SLC35D2: variants seen among roughly 807,000 people sequenced by gnomAD.
The protein encoded by SLC35D2 is nucleotide sugar transporter SLC35D2.
In SLC35D2, 43 loss-of-function variants were observed where a neutral mutation model predicts 41.8. The observed-to-expected ratio is 1.03, with a 90% CI of 0.81 to 1.33. The LOEUF (loss-of-function observed/expected upper bound fraction) is 1.33. Ranked by LOEUF, SLC35D2 falls within the 40% of genes most tolerant of loss-of-function variation. The pLI is 0.00. For synonymous variants in SLC35D2, 150 were observed against 163.9 expected, an observed-to-expected ratio of 0.92 and a Z score of 0.65; for missense variants, 380 against 408.4, an observed-to-expected ratio of 0.93 and a Z score of 0.60.
intron 1 of SLC35D2, 104 bp from the exon 2 acceptor site, chr9:96,368,409 A>T: frequency 1.1e-6 from 1 of 898,366 alleles, no homozygotes; most frequent in Non-Finnish European, 1.7e-6. Context: ...GAAAATGAAA[A>T]TTTATCAAAT....
chr9:96,368,403 A>C, intron 1 of SLC35D2, 98 bp from the exon 2 acceptor site: 3 of 937,060 alleles, frequency 3.2e-6, no homozygotes, highest in Non-Finnish European at 4.8e-6. Flanking sequence ...ATCTGAGAAA[A>C]TGAAAATTTA....
chr9:96,370,516 G>A (rs909391181), intron 1 of SLC35D2, among the ~76,000 whole-genome samples: 5 of 152,054 alleles, frequency 3.3e-5, no homozygotes, highest in African/African-American at 9.7e-5. Flanking sequence ...AATTAGCCGG[G>A]CGTGGTGGTG....
chr9:96,343,529 T>C (rs1829434467), intron 8 of SLC35D2, among the ~76,000 whole-genome samples: 1 of 152,212 alleles, frequency 6.6e-6, no homozygotes, highest in African/African-American at 2.4e-5. Flanking sequence ...AAAATGTCCG[T>C]AATAGAAAGT....
intron 6 of SLC35D2, among the ~76,000 whole-genome samples, chr9:96,348,733 T>A (rs893827577): frequency 6.6e-6 from 1 of 152,204 alleles, no homozygotes; most frequent in Admixed American, 6.5e-5. Flanking sequence ...GCATGGCTAC[T>A]CCAGGCTGGC....
chr9:96,323,022 C>CT (rs869071613), intron 10 of SLC35D2, among the ~76,000 whole-genome samples: 4,697 of 133,160 alleles, frequency 0.035, 103 homozygotes, highest in South Asian at 0.075. Flanking sequence ...CCTGGTTTTT[C>CT]TTTTTTTTTT....
chr9:96,324,208 T>G lies in SLC35D2; in HGVS notation c.753-39A>C. On this transcript the variant is annotated intron_variant, in intron 9 of 11. Coordinates refer to ENST00000253270, the MANE Select transcript of SLC35D2 (RefSeq NM_007001.3). ...GCAGACACTGGAGTGTGTGCCTCAC[T>G]ACGCTGGGTAATGACAAATAGGTTA... 2.6e-6 allele frequency: 4 copies of G among 1,559,686 alleles called. No homozygotes were observed. The East Asian group carries it at 9.0e-5, about 35-fold the overall frequency.
intron 9 of SLC35D2, among the ~76,000 whole-genome samples, chr9:96,329,995 G>A (rs1243915260): frequency 1.3e-5 from 2 of 152,252 alleles, no homozygotes; most frequent in Non-Finnish European, 1.5e-5. Flanking sequence ...TGCCAGTAGC[G>A]TGGCTTAGGC....
intron 4 of SLC35D2, among the ~76,000 whole-genome samples, chr9:96,354,269 T>C (rs1455192733): frequency 1.3e-5 from 2 of 152,196 alleles, no homozygotes; most frequent in Non-Finnish European, 2.9e-5. Context: ...TTCTAGACAG[T>C]GCAGTTAGAA....
intron 6 of SLC35D2, among the ~76,000 whole-genome samples, chr9:96,348,909 C>T (rs1287339039): frequency 6.6e-6 from 1 of 152,204 alleles, no homozygotes; most frequent in Non-Finnish European, 1.5e-5. Context: ...CAAAGACTTA[C>T]CACAGTTTTA....
In SLC35D2 at chr9:96,329,075, T is replaced by G. The variant is rs1828682674; in HGVS notation, c.753-4906A>C. Among the ~76,000 whole-genome samples the G allele has an allele frequency of 2.2e-5, 3 of 137,042 alleles. 1 individual carries two copies. Among genetic ancestry groups the G allele is most frequent in the South Asian group, 4.8e-4 (2 of 4,178 alleles). 89.9% of individuals were successfully genotyped at this position (137,042 alleles called of 152,430 possible). On this transcript the variant is annotated intron_variant, in intron 9 of 11. Coordinates refer to ENST00000253270, the MANE Select transcript of SLC35D2 (RefSeq NM_007001.3). The stretch of plus-strand genomic sequence containing the variant: ...TGCATTCTAGCCTGGGCAAACAGAG[T>G]GAGACTCCATCTCAAAAAAAAAAAA...
intron 1 of SLC35D2, among the ~76,000 whole-genome samples, chr9:96,371,927 C>T (rs1830715539): frequency 1.3e-5 from 2 of 151,416 alleles, no homozygotes; most frequent in Non-Finnish European, 2.9e-5. Flanking sequence ...GGGGTTTCAC[C>T]GTTTTAGCCG....
intron 9 of SLC35D2, among the ~76,000 whole-genome samples, chr9:96,335,796 G>A (rs534504611): frequency 3.9e-5 from 6 of 152,216 alleles, no homozygotes; most frequent in Middle Eastern, 3.4e-3. Context: ...GCTCACGCCT[G>A]TAATCCCAGC....
At chr9:96,331,195 C>A (rs1393002316) in intron 9 of SLC35D2, among the ~76,000 whole-genome samples, 1 of 152,040 alleles carries the variant, frequency 6.6e-6, no homozygotes, top group Non-Finnish European at 1.5e-5. Context: ...ACCATGCCCG[C>A]ATGATGATGT....
chr9:96,354,223 T>C (rs946391283), intron 4 of SLC35D2, among the ~76,000 whole-genome samples: 3 of 152,240 alleles, frequency 2.0e-5, no homozygotes, highest in African/African-American at 7.2e-5. Context: ...GGATGTTCAC[T>C]CTCACTATTG....
chr9:96,382,559 C>A (rs998665580), intron 1 of SLC35D2, among the ~76,000 whole-genome samples: 11 of 149,936 alleles, frequency 7.3e-5, no homozygotes, highest in Non-Finnish European at 8.9e-5. Flanking sequence ...CAGGTGCAAA[C>A]CACCTCAGCC....
At chr9:96,356,908 G>C (rs1290975714) in intron 4 of SLC35D2, among the ~76,000 whole-genome samples, 1 of 151,426 alleles carries the variant, frequency 6.6e-6, no homozygotes. Flanking sequence ...TAGGCTGGGC[G>C]TGGTGGCTCA....
In SLC35D2 at chr9:96,377,451, C is replaced by T. The variant is rs538224135; in HGVS notation, c.158+6026G>A. 7.2e-5 allele frequency among the ~76,000 whole-genome samples: 11 copies of T among 152,324 alleles called. No homozygotes were observed. In the South Asian group the frequency reaches 2.3e-3, roughly 32 times the overall value. ...TGTTTGCCAGCTCCCCAAACCCTGACAGTGCCAATAAACTTTCTCCCAGCA... is the reference window on the plus strand; with the variant it reads ...TGTTTGCCAGCTCCCCAAACCCTGATAGTGCCAATAAACTTTCTCCCAGCA... On this transcript the variant is annotated intron_variant, in intron 1 of 11. Coordinates refer to ENST00000253270, the MANE Select transcript of SLC35D2 (RefSeq NM_007001.3).
At chr9:96,380,949 C>A (rs574833659) in intron 1 of SLC35D2, among the ~76,000 whole-genome samples, 1 of 152,156 alleles carries the variant, frequency 6.6e-6, no homozygotes, top group African/African-American at 2.4e-5. Context: ...AGAATACTGA[C>A]GGCCACAGGA....
chr9:96,349,031 G>A (rs1829699092), intron 6 of SLC35D2, among the ~76,000 whole-genome samples: 1 of 152,208 alleles, frequency 6.6e-6, no homozygotes, highest in African/African-American at 2.4e-5. Flanking sequence ...AGAGTGCTAT[G>A]GGAGAAGCCC....
Sources: allele counts gnomAD v4.1 joint callset (sites outside exome capture counted in the v4.1 genomes callset), GRCh38; gene constraint gnomAD v4.1.1; transcripts MANE v1.5; gene names NCBI Gene and HGNC (gene_info 2026-07-23, HGNC 2026-07-21).